Variants in SNAP91 observed in about 807,000 individuals in gnomAD.
SNAP91 encodes clathrin coat assembly protein AP180.
A neutral mutation model predicts 100.3 loss-of-function variants in SNAP91; 27 were observed. That is an observed-to-expected ratio of 0.27 (90% confidence interval 0.20 to 0.37). The LOEUF is 0.37. SNAP91 is among the 10% of genes least tolerant of loss of function. The probability of loss-of-function intolerance (pLI) is 1.00; values close to 1 mark genes in which losing one functional copy is unlikely to be tolerated. For synonymous variants in SNAP91, 404 were observed against 398.6 expected (o/e 1.01, Z -0.16); for missense variants, 986 against 1,123.7 (o/e 0.88, Z 1.75).
chr6:83,656,488 A>G (rs1312511708), intron 7 of SNAP91, among the ~76,000 whole-genome samples: 1 of 152,168 alleles, frequency 6.6e-6, no homozygotes, highest in African/African-American at 2.4e-5. Flanking sequence ...CCATCCACCA[A>G]GTAACAGGTT....
chr6:83,608,810 T>G (rs1312685789), intron 12 of SNAP91, among the ~76,000 whole-genome samples: 1 of 152,174 alleles, frequency 6.6e-6, no homozygotes, highest in Non-Finnish European at 1.5e-5. Flanking sequence ...GTTATGCAAG[T>G]GCCAAGCATT....
At chr6:83,657,294 CCTCTAAAATAA>C (rs2098432817) in intron 6 of SNAP91, among the ~76,000 whole-genome samples, 1 of 152,130 alleles carries the variant, frequency 6.6e-6, no homozygotes, top group South Asian at 2.1e-4. Context: ...TAGTCAGCTA[CCTCTAAAATAA>C]CTCTAGAGAC....
intron 11 of SNAP91, among the ~76,000 whole-genome samples, chr6:83,611,033 A>G (rs2096020566): frequency 6.6e-6 from 1 of 152,024 alleles, no homozygotes; most frequent in South Asian, 2.1e-4. Flanking sequence ...CTAAATGGGA[A>G]TTTAAAACCA....
chr6:83,607,031 T>C (rs547876691), intron 13 of SNAP91, among the ~76,000 whole-genome samples: 5 of 152,250 alleles, frequency 3.3e-5, no homozygotes, highest in South Asian at 4.1e-4. Flanking sequence ...TCTCCAAACA[T>C]AGGGCATTCA....
At chr6:83,658,921 T>C (rs900327038) in intron 6 of SNAP91, 78 bp downstream of exon 6, 1 of 1,071,876 alleles carries the variant, frequency 9.3e-7, no homozygotes, top group Non-Finnish European at 1.4e-6. Flanking sequence ...GAGGAAATCT[T>C]TGGATTTACC....
Position 83,575,025 on chromosome 6 carries a change from T to A in SNAP91, c.2427A>T (p.Pro809=). ...VAPATWSAGV[P]PSAPLQGAVP... ...TGCTACATACCAAAGGTGCACTTGG[T>A]GGAACGCCTGCTGACCAGGTTGCTG... is the stretch of plus-strand genomic sequence containing the variant. The change falls in exon 26 of 30, where the codon CCA becomes CCT. Residue 809 remains proline (P), a synonymous_variant. Transcript: ENST00000369694. The A allele has an allele frequency of 6.3e-7, 1 of 1,594,722 alleles. No homozygotes were observed. The highest frequency in any genetic ancestry group is 8.5e-7 in the Non-Finnish European group (1 of 1,169,660).
chr6:83,626,161 T>G (rs1293816744), intron 8 of SNAP91, among the ~76,000 whole-genome samples: 1 of 152,112 alleles, frequency 6.6e-6, no homozygotes, highest in South Asian at 2.1e-4. Context: ...CAAAGATCAG[T>G]GGTTTGTAGG....
intron 10 of SNAP91, among the ~76,000 whole-genome samples, chr6:83,616,250 C>A (rs912725798): frequency 1.3e-5 from 2 of 151,750 alleles, no homozygotes; most frequent in Non-Finnish European, 2.9e-5. Flanking sequence ...CTAAGACTTG[C>A]AGAATTATAG....
intron 11 of SNAP91, among the ~76,000 whole-genome samples, chr6:83,613,358 T>C (rs1484907242): frequency 6.6e-6 from 1 of 152,240 alleles, no homozygotes; most frequent in Non-Finnish European, 1.5e-5. Context: ...TATTAGAATA[T>C]GTTCAGGTAT....
At chr6:83,683,378 C>A (rs547294125) in intron 2 of SNAP91, among the ~76,000 whole-genome samples, 5 of 152,110 alleles carry the variant, frequency 3.3e-5, no homozygotes, top group African/African-American at 1.2e-4. Flanking sequence ...TTGGGCCTTG[C>A]GGGTGGATCA....
intron 12 of SNAP91, among the ~76,000 whole-genome samples, chr6:83,608,108 A>T (rs922721178): frequency 6.6e-6 from 1 of 152,222 alleles, no homozygotes; most frequent in African/African-American, 2.4e-5. Context: ...TCCTGAACAT[A>T]AAATTATTAG....
intron 24 of SNAP91, 91 bp downstream of exon 24, chr6:83,580,359 C>T: frequency 7.6e-7 from 1 of 1,323,510 alleles, no homozygotes; most frequent in East Asian, 2.3e-5. Flanking sequence ...AGAAACAAAA[C>T]ATATGAGATG....
Position 83,593,683 on chromosome 6 carries a change from T to C in SNAP91, c.1491A>G (p.Ala497=), listed in dbSNP as rs371530267. ...AEAAPELDLF[A]MKPPETSVPV... The stretch of plus-strand genomic sequence containing the variant: ...GAACACTGGTCTCAGGTGGCTTCAT[T>C]GCAAAGAGGTCCAGCTCAGGTGCAG... Residue 497 remains alanine (A), a synonymous_variant, in exon 18 of 30, where the codon GCA becomes GCG. Transcript: ENST00000369694. The C allele has an allele frequency of 6.2e-7, 1 of 1,610,464 alleles. No homozygotes were observed. Among genetic ancestry groups the C allele is most frequent in the African/African-American group, 1.3e-5 (1 of 74,974 alleles).
chr6:83,652,969 G>C (rs1394576327), intron 7 of SNAP91, among the ~76,000 whole-genome samples: 2 of 152,064 alleles, frequency 1.3e-5, no homozygotes, highest in African/African-American at 4.8e-5. Context: ...TCTTATTTTT[G>C]CTCCTCCACA....
intron 2 of SNAP91, among the ~76,000 whole-genome samples, chr6:83,670,381 A>C (rs2098762156): frequency 6.6e-6 from 1 of 150,898 alleles, no homozygotes; most frequent in African/African-American, 2.4e-5. Flanking sequence ...ATTGGTATAC[A>C]TTCTTTTCCT....
intron 7 of SNAP91, among the ~76,000 whole-genome samples, chr6:83,646,057 C>T (rs975100327): frequency 3.9e-5 from 6 of 152,086 alleles, no homozygotes; most frequent in Non-Finnish European, 8.8e-5. Flanking sequence ...GTTTTTAGCC[C>T]ATTTTTAATT....
intron 14 of SNAP91, among the ~76,000 whole-genome samples, chr6:83,603,591 A>C (rs996263257): frequency 6.6e-6 from 1 of 152,104 alleles, no homozygotes; most frequent in Non-Finnish European, 1.5e-5. Flanking sequence ...AAATTTGAAA[A>C]TAAAATAAAA....
chr6:83,600,320 C>A (rs1397820665), intron 16 of SNAP91, among the ~76,000 whole-genome samples: 1 of 152,216 alleles, frequency 6.6e-6, no homozygotes, highest in East Asian at 1.9e-4. Context: ...AATGTATGTT[C>A]CCAGGGGTAC....
intron 7 of SNAP91, among the ~76,000 whole-genome samples, chr6:83,647,075 G>C (rs904508081): frequency 1.0e-5 from 1 of 100,416 alleles, no homozygotes; most frequent in Non-Finnish European, 2.0e-5. Flanking sequence ...ATTAGTTCCA[G>C]GAGTTTTTTT....
Sources: gnomAD v4.1 joint callset for allele counts (sites outside exome capture counted in the v4.1 genomes callset) on GRCh38, gnomAD v4.1.1 for gene constraint, MANE v1.5 for transcripts, NCBI Gene and HGNC (gene_info 2026-07-23, HGNC 2026-07-21) for gene names.